Variants in ATM observed in about 807,000 individuals in gnomAD.
The protein encoded by ATM is ATM serine/threonine kinase, also known as serine-protein kinase ATM.
A neutral mutation model predicts 387.0 loss-of-function variants in ATM; 308 were observed. That is an observed-to-expected ratio of 0.80 (90% CI 0.73 to 0.87). The LOEUF (loss-of-function observed/expected upper bound fraction) is 0.87. Among genes scored for constraint, ATM ranks in the 40% least tolerant of loss-of-function variants. ATM has a pLI of 0.00. For synonymous variants in ATM, 1,156 were observed against 1,187.3 expected (o/e 0.97, Z 0.54); for missense variants, 3,312 against 3,560.9 (o/e 0.93, Z 1.78).
intron 37 of ATM, among the ~76,000 whole-genome samples, chr11:108,305,505 A>G (rs928800493): frequency 6.6e-6 from 1 of 152,154 alleles, no homozygotes; most frequent in Non-Finnish European, 1.5e-5. Context: ...ACTTGAACTC[A>G]GGAGGTAGAG....
intron 37 of ATM, 103 bp from the exon 38 acceptor site, chr11:108,307,794 C>G (rs1210719918): frequency 4.7e-6 from 5 of 1,073,342 alleles, no homozygotes; most frequent in Non-Finnish European, 7.0e-6. Flanking sequence ...GTACTGCCCA[C>G]CAGAACCTTA....
chr11:108,227,990 T>G (rs1215151876), intron 3 of ATM, 102 bp downstream of exon 3: 2 of 975,478 alleles, frequency 2.1e-6, no homozygotes, highest in African/African-American at 3.3e-5. Flanking sequence ...TTATCTTTGC[T>G]TCCTATATAT....
At chr11:108,237,296 C>T (rs566834970) in intron 5 of ATM, among the ~76,000 whole-genome samples, 1 of 152,218 alleles carries the variant, frequency 6.6e-6, no homozygotes, top group South Asian at 2.1e-4. Context: ...GTTACCTAAC[C>T]AGATCTTTCC....
intron 13 of ATM, 31 bp from the exon 14 acceptor site, chr11:108,256,183 TA>T (rs1283099057): frequency 6.6e-7 from 1 of 1,506,114 alleles, no homozygotes; most frequent in Admixed American, 1.9e-5. Context: ...ATTTATGAAA[TA>T]TATATATTTT....
In ATM at chr11:108,353,765, G is replaced by C. The variant is rs876660088; in HGVS notation, c.8672-1G>C. 6.3e-7 allele frequency: 1 copy of C among 1,598,408 alleles called. No homozygotes were observed. Among genetic ancestry groups the C allele is most frequent in the Non-Finnish European group, 8.6e-7 (1 of 1,165,756 alleles). Reference sequence around the variant, plus strand: ...TAACTTCACTGTATTCTTTACTTTAGGTGTTGCTTTTGAACAGGGCAAAAT... The same window carrying C: ...TAACTTCACTGTATTCTTTACTTTACGTGTTGCTTTTGAACAGGGCAAAAT... On this transcript the variant is annotated splice_acceptor_variant, in intron 59 of 62. Coordinates refer to ENST00000675843, the MANE Select transcript of ATM (RefSeq NM_000051.4). LOFTEE classifies it high-confidence loss of function.
intron 34 of ATM, 82 bp downstream of exon 34, chr11:108,299,967 G>C (rs1405529189): frequency 7.5e-7 from 1 of 1,328,994 alleles, no homozygotes; most frequent in African/African-American, 1.4e-5. Context: ...GATATTCTCA[G>C]TAACTAAAGC....
At chr11:108,302,688 G>T (rs2083488181) in intron 35 of ATM, among the ~76,000 whole-genome samples, 165 bp from the exon 36 acceptor site, 1 of 152,036 alleles carries the variant, frequency 6.6e-6, no homozygotes, top group Non-Finnish European at 1.5e-5. Context: ...TCTGCCTCTT[G>T]TATAAACATA....
intron 22 of ATM, among the ~76,000 whole-genome samples, chr11:108,278,719 C>T (rs930550212): frequency 5.3e-5 from 8 of 152,026 alleles, no homozygotes; most frequent in Non-Finnish European, 7.4e-5. Context: ...ATAACCAGCC[C>T]TTGTGGGAAC....
At chr11:108,281,672 T>G (rs527532545) in intron 24 of ATM, among the ~76,000 whole-genome samples, 6 of 152,322 alleles carry the variant, frequency 3.9e-5, no homozygotes, top group Admixed American at 2.6e-4. Flanking sequence ...TTCCATCACC[T>G]CAGCATTTAT....
rs751027663 is a variant in ATM at position 108,332,177 on chromosome 11, C to T, written c.7788+140C>T. On this transcript the variant is annotated intron_variant, in intron 52 of 62. Transcript: ENST00000675843. Reference sequence around the variant, plus strand: ...GCACGGTGGCTCACGCCTGTAATCCCAGCACTTTGGGAGGCTGAGGCGGGT... The same window carrying T: ...GCACGGTGGCTCACGCCTGTAATCCTAGCACTTTGGGAGGCTGAGGCGGGT... 3.6e-4 allele frequency: 404 copies of T among 1,122,172 alleles called. 3 individuals are homozygous for T. The highest frequency in any genetic ancestry group is 9.0e-4 in the Middle Eastern group (3 of 3,334). 69.5% of individuals were successfully genotyped at this position (1,122,172 alleles called of 1,614,324 possible).
chr11:108,259,033 A>T lies in ATM; in HGVS notation c.2424A>T (p.Thr808=). The T allele has an allele frequency of 6.2e-7, 1 of 1,613,888 alleles. No homozygotes were observed. Among genetic ancestry groups the T allele is most frequent in the South Asian group, 1.1e-5 (1 of 91,076 alleles). Residue 808 remains threonine (T), a synonymous_variant, in exon 16 of 63, where the codon ACA becomes ACT. Coordinates refer to ENST00000675843, the MANE Select transcript of ATM (RefSeq NM_000051.4). ...IASGFFLRLL[T]SKLMNDIADI... ...CTGGCTTTTTCCTGCGATTGTTAAC[A>T]TCAAAGCTAATGAATGACATTGCAG...
intron 61 of ATM, among the ~76,000 whole-genome samples, chr11:108,362,412 T>C (rs1467594561): frequency 2.6e-5 from 4 of 151,676 alleles, no homozygotes; most frequent in South Asian, 2.1e-4. Context: ...GGATCTAGAA[T>C]TAGAAATACC....
At chr11:108,266,872 T>A (rs897490504) in intron 16 of ATM, among the ~76,000 whole-genome samples, 1 of 150,396 alleles carries the variant, frequency 6.6e-6, no homozygotes, top group Admixed American at 6.7e-5. Flanking sequence ...CTCAGCTCAC[T>A]GCAATCTCTG....
chr11:108,281,109 T>G lies in ATM; in HGVS notation c.3517T>G (p.Leu1173Val), dbSNP rs141460670. Residue 1173 changes from leucine to valine, a missense_variant, in exon 24 of 63, where the codon TTG becomes GTG. Leu to Val is a conservative substitution (Grantham distance 32). This residue lies in a region of ATM where 1,791 missense variants were observed against 1,804.5 expected (regional missense o/e 0.99). Transcript: ENST00000675843. ...TAGCCCTATCTGCGAAAAACAGGCT[T>G]TGTTTGCCCTGTGTAAATCTGTGAA... ...SCSPICEKQA[L>V]FALCKSVKEN... The G allele has an allele frequency of 1.2e-6, 2 of 1,614,060 alleles. No individual in the cohort carries two copies. The highest frequency in any genetic ancestry group is 1.7e-6 in the Non-Finnish European group (2 of 1,179,972).
chr11:108,331,933 G>C lies in ATM; in HGVS notation c.7684G>C (p.Ala2562Pro), dbSNP rs1555124521. The change falls in exon 52 of 63, where the codon GCC becomes CCC. Residue 2562 changes from alanine to proline, a missense_variant. Physicochemically the swap from Ala to Pro is conservative, Grantham distance 27. Transcript: ENST00000675843. ...HPHHTLFIIL[A>P]LANANRDEFL... The stretch of plus-strand genomic sequence containing the variant: ...CCATCACACTTTGTTTATTATACTG[G>C]CCTTAGCAAATGCAAACAGAGATGA... 1 of 1,613,824 alleles carries C rather than the reference G, an allele frequency of 6.2e-7. No individual in the cohort carries two copies. Among genetic ancestry groups the C allele is most frequent in the Non-Finnish European group, 8.5e-7 (1 of 1,179,860 alleles).
intron 22 of ATM, among the ~76,000 whole-genome samples, chr11:108,277,712 C>T (rs1337052221): frequency 8.5e-5 from 13 of 152,166 alleles, no homozygotes; most frequent in Non-Finnish European, 1.2e-4. Context: ...GGGCTGCACC[C>T]ACTGTCTAAC....
At chr11:108,233,104 C>T (rs1215239070) in intron 4 of ATM, among the ~76,000 whole-genome samples, 3 of 152,174 alleles carry the variant, frequency 2.0e-5, no homozygotes, top group African/African-American at 4.8e-5. Context: ...TCAAGTGATC[C>T]ACCTGCCTTG....
intron 26 of ATM, among the ~76,000 whole-genome samples, chr11:108,285,186 T>C (rs1414488026): frequency 1.3e-5 from 2 of 151,992 alleles, no homozygotes; most frequent in Non-Finnish European, 1.5e-5. Flanking sequence ...TCTTTAACTC[T>C]TGACCTCAGG....
intron 13 of ATM, 72 bp from the exon 14 acceptor site, chr11:108,256,143 G>T (rs2080464256): frequency 7.4e-7 from 1 of 1,346,986 alleles, no homozygotes; most frequent in Non-Finnish European, 9.9e-7. Flanking sequence ...TGTAGAATTT[G>T]TTCTTACAAA....
Sources: gnomAD v4.1 joint callset for allele counts (sites outside exome capture counted in the v4.1 genomes callset) on GRCh38, gnomAD v4.1.1 for gene constraint, gnomAD v4.1.1 regional missense constraint, MANE v1.5 for transcripts, NCBI Gene and HGNC (gene_info 2026-07-23, HGNC 2026-07-21) for gene names.